The following SORCS1 variants were observed in gnomAD, a reference collection of about 807,000 sequenced individuals.
SORCS1 encodes sortilin related VPS10 domain containing receptor 1.
A neutral mutation model predicts 146.1 loss-of-function variants in SORCS1; 60 were observed. The observed-to-expected ratio is 0.41, with a 90% CI of 0.33 to 0.51. The LOEUF (loss-of-function observed/expected upper bound fraction) is 0.51, where lower values mean the gene tolerates loss of function less well. Ranked by LOEUF, SORCS1 falls within the 20% of genes least tolerant of loss-of-function variation. The probability of loss-of-function intolerance (pLI) is 0.21; values close to 1 mark genes in which losing one functional copy is unlikely to be tolerated. For synonymous variants in SORCS1, 637 were observed against 584.0 expected, an observed-to-expected ratio of 1.09 and a Z score of -1.31; for missense variants, 1,352 against 1,487.6, an observed-to-expected ratio of 0.91 and a Z score of 1.50.
chr10:107,051,721 C>A (rs553866821), intron 1 of SORCS1, among the ~76,000 whole-genome samples: 16 of 152,174 alleles, frequency 1.1e-4, no homozygotes, highest in Middle Eastern at 3.4e-3. Flanking sequence ...ATGTCTGTGC[C>A]AAGCATTTTC....
intron 3 of SORCS1, among the ~76,000 whole-genome samples, chr10:106,801,108 GACAA>G (rs1946845715): frequency 6.6e-6 from 1 of 152,022 alleles, no homozygotes; most frequent in African/African-American, 2.4e-5. Flanking sequence ...TGATTGAATG[GACAA>G]ACAAAATATT....
chr10:106,670,174 A>T (rs2135462073), intron 16 of SORCS1, among the ~76,000 whole-genome samples: 2 of 152,366 alleles, frequency 1.3e-5, no homozygotes, highest in South Asian at 2.1e-4. Context: ...ATGGAAAATG[A>T]GATGGAAAAT....
chr10:106,714,328 T>C (rs1855211866), intron 6 of SORCS1, among the ~76,000 whole-genome samples: 1 of 151,956 alleles, frequency 6.6e-6, no homozygotes, highest in South Asian at 2.1e-4. Context: ...TAATAAACTA[T>C]GGAACATTTA....
At chr10:106,720,932 C>T (rs1231603239) in intron 6 of SORCS1, among the ~76,000 whole-genome samples, 3 of 151,650 alleles carry the variant, frequency 2.0e-5, no homozygotes, top group Non-Finnish European at 4.4e-5. Context: ...CTAGGAGGCC[C>T]GTGTTATCTT....
chr10:106,657,338 T>C (rs938597280), intron 17 of SORCS1, among the ~76,000 whole-genome samples: 24 of 152,280 alleles, frequency 1.6e-4, no homozygotes, highest in African/African-American at 4.3e-4. Context: ...CATTATTCTA[T>C]ATGAAGTAAC....
chr10:106,984,425 G>A (rs1465009836), intron 1 of SORCS1, among the ~76,000 whole-genome samples: 2 of 120,076 alleles, frequency 1.7e-5, no homozygotes, highest in Non-Finnish European at 3.3e-5. Flanking sequence ...ACAGAGTTTT[G>A]CTCTGTCATC....
At chr10:106,771,057 G>A (rs1393468407) in intron 4 of SORCS1, among the ~76,000 whole-genome samples, 1 of 152,196 alleles carries the variant, frequency 6.6e-6, no homozygotes, top group Non-Finnish European at 1.5e-5. Flanking sequence ...CAGCCACTCA[G>A]CAGCAAGAGT....
At chr10:106,921,798 T>C (rs4918268) in intron 2 of SORCS1, among the ~76,000 whole-genome samples, 133,943 of 152,220 alleles carry the variant, frequency 0.88, 60,542 homozygotes, top group Non-Finnish European at 1. Flanking sequence ...GTAAGCAAGC[T>C]GACACCTATC....
chr10:106,762,088 G>T (rs1430656501), intron 4 of SORCS1, among the ~76,000 whole-genome samples: 1 of 152,204 alleles, frequency 6.6e-6, no homozygotes, highest in Non-Finnish European at 1.5e-5. Flanking sequence ...CACATAATGA[G>T]AAATGCACGA....
intron 1 of SORCS1, among the ~76,000 whole-genome samples, chr10:107,140,774 T>C (rs929911452): frequency 6.6e-5 from 10 of 152,212 alleles, no homozygotes; most frequent in African/African-American, 1.7e-4. Context: ...TGGCTGAGCA[T>C]TGGACAAAAT....
intron 1 of SORCS1, among the ~76,000 whole-genome samples, chr10:106,983,698 A>G (rs1024105329): frequency 2.6e-5 from 4 of 152,160 alleles, no homozygotes; most frequent in Admixed American, 1.3e-4. Flanking sequence ...AACACTAAGG[A>G]ATAGTGTTCC....
At chr10:106,748,148 GT>G (rs762364447) in intron 5 of SORCS1, among the ~76,000 whole-genome samples, 1 of 151,986 alleles carries the variant, frequency 6.6e-6, no homozygotes, top group East Asian at 1.9e-4. Context: ...TAGATACTGA[GT>G]TTTTTTGTTT....
At chr10:106,916,369 T>G (rs1327942181) in intron 2 of SORCS1, among the ~76,000 whole-genome samples, 1 of 151,710 alleles carries the variant, frequency 6.6e-6, no homozygotes, top group Non-Finnish European at 1.5e-5. Flanking sequence ...CATTATACTA[T>G]TGGCTATTCC....
intron 10 of SORCS1, among the ~76,000 whole-genome samples, chr10:106,686,949 GT>G (rs1852896506): frequency 6.6e-6 from 1 of 152,142 alleles, no homozygotes; most frequent in Non-Finnish European, 1.5e-5. Flanking sequence ...TATATGTGTA[GT>G]TCATACACAC....
At chr10:106,876,382 A>G (rs1044756031) in intron 2 of SORCS1, among the ~76,000 whole-genome samples, 2 of 152,168 alleles carry the variant, frequency 1.3e-5, no homozygotes, top group East Asian at 3.8e-4. Context: ...AAAATTCACT[A>G]TTTATAGCAA....
chr10:107,037,520 A>G (rs1958954599), intron 1 of SORCS1, among the ~76,000 whole-genome samples: 1 of 152,238 alleles, frequency 6.6e-6, no homozygotes, highest in Non-Finnish European at 1.5e-5. Flanking sequence ...AAATATTGGC[A>G]CATTTTATAA....
intron 2 of SORCS1, among the ~76,000 whole-genome samples, chr10:106,878,619 A>AGTGT (rs890424506): frequency 5.7e-5 from 2 of 34,936 alleles, no homozygotes; most frequent in African/African-American, 1.0e-4. Context: ...TAAACTACCT[A>AGTGT]GTATATATAT....
At chr10:107,144,158 T>A in intron 1 of SORCS1, among the ~76,000 whole-genome samples, 1 of 152,170 alleles carries the variant, frequency 6.6e-6, no homozygotes, top group East Asian at 1.9e-4. Context: ...GCCAGAAACA[T>A]CATATGTGAT....
chr10:106,623,243 CTTTTT>C (rs200567639), intron 19 of SORCS1, among the ~76,000 whole-genome samples: 1 of 135,930 alleles, frequency 7.4e-6, no homozygotes. Context: ...CATATGTGAG[CTTTTT>C]TTTTTTTTTT....
Sources: allele counts gnomAD v4.1 joint callset (sites outside exome capture counted in the v4.1 genomes callset), GRCh38; gene constraint gnomAD v4.1.1; transcripts MANE v1.5; gene names NCBI Gene and HGNC (gene_info 2026-07-23, HGNC 2026-07-21).